Variants in CEP192 observed in about 807,000 individuals in gnomAD.
CEP192 encodes the protein centrosomal protein of 192 kDa.
A neutral mutation model predicts 271.8 loss-of-function variants in CEP192; 151 were observed. That is an observed-to-expected ratio of 0.56 (90% CI 0.49 to 0.64). The LOEUF is 0.64. Among genes scored for constraint, CEP192 ranks in the 30% least tolerant of loss-of-function variants. The pLI is 0.00. For missense variants in CEP192, 2,910 were observed against 3,020.5 expected, an observed-to-expected ratio of 0.96 and a Z score of 0.86; for synonymous variants, 995 against 1,076.5, an observed-to-expected ratio of 0.92 and a Z score of 1.48.
chr18:13,002,062 CATT>C (rs1234273154), intron 3 of CEP192, among the ~76,000 whole-genome samples: 1 of 152,058 alleles, frequency 6.6e-6, no homozygotes, highest in East Asian at 1.9e-4. Flanking sequence ...TCTTTCAAAA[CATT>C]TTTTTTTAGA....
intron 5 of CEP192, among the ~76,000 whole-genome samples, chr18:13,014,407 G>A (rs1437075446): frequency 6.7e-6 from 1 of 149,608 alleles, no homozygotes; most frequent in Non-Finnish European, 1.5e-5. Flanking sequence ...GTGGAGCTAT[G>A]CCACTTTATC....
At chr18:13,062,572 A>T (rs532002837) in intron 21 of CEP192, among the ~76,000 whole-genome samples, 2 of 147,828 alleles carry the variant, frequency 1.4e-5, no homozygotes, top group Admixed American at 6.7e-5. Flanking sequence ...AATTTTTTTT[A>T]ATTTAAAATT....
At chr18:13,030,082 G>A in intron 10 of CEP192, 80 bp downstream of exon 10, 1 of 1,112,378 alleles carries the variant, frequency 9.0e-7, no homozygotes, top group Non-Finnish European at 1.3e-6. Flanking sequence ...CATGTGAAAT[G>A]TGCCAGTCTT....
chr18:13,025,814 C>T (rs936020801), intron 9 of CEP192, among the ~76,000 whole-genome samples: 8 of 152,128 alleles, frequency 5.3e-5, no homozygotes, highest in African/African-American at 1.9e-4. Context: ...TATAGACACA[C>T]ACCCTCACCT....
chr18:13,015,807 G>A (rs902598508), intron 6 of CEP192, among the ~76,000 whole-genome samples: 25 of 151,008 alleles, frequency 1.7e-4, no homozygotes, highest in Non-Finnish European at 3.2e-4. Flanking sequence ...GTGCAGTGGT[G>A]TGATCTCGGC....
intron 30 of CEP192, among the ~76,000 whole-genome samples, chr18:13,085,397 T>A (rs2038850915): frequency 6.6e-6 from 1 of 152,204 alleles, no homozygotes; most frequent in Non-Finnish European, 1.5e-5. Flanking sequence ...CTCTTTAGTT[T>A]AATTAGATCC....
At chr18:12,994,133 T>A (rs1008753923) in intron 1 of CEP192, among the ~76,000 whole-genome samples, 1 of 152,226 alleles carries the variant, frequency 6.6e-6, no homozygotes, top group Non-Finnish European at 1.5e-5. Flanking sequence ...GATGGACAGA[T>A]AGGCAAGGCC....
chr18:13,052,102 C>T (rs1415900834), intron 17 of CEP192, among the ~76,000 whole-genome samples: 2 of 152,222 alleles, frequency 1.3e-5, no homozygotes, highest in Admixed American at 6.5e-5. Flanking sequence ...CCGTTTCCTG[C>T]TCCTTGCATC....
chr18:13,002,307 T>TA (rs199508596), intron 3 of CEP192, among the ~76,000 whole-genome samples: 1 of 138,640 alleles, frequency 7.2e-6, no homozygotes, highest in African/African-American at 2.9e-5. Context: ...AAAATAAGAT[T>TA]AAGCTCTTAT....
intron 13 of CEP192, 138 bp downstream of exon 13, chr18:13,038,717 G>A (rs1017625259): frequency 2.7e-5 from 18 of 677,838 alleles, no homozygotes; most frequent in Middle Eastern, 4.1e-4. Context: ...TTCATCATCA[G>A]TCAGACCTTT....
intron 15 of CEP192, among the ~76,000 whole-genome samples, chr18:13,047,331 T>A (rs2036539467): frequency 6.6e-6 from 1 of 151,930 alleles, no homozygotes; most frequent in Non-Finnish European, 1.5e-5. Flanking sequence ...ATGGATGTTT[T>A]ACTGTGGTAT....
chr18:13,114,299 G>A, intron 42 of CEP192, 48 bp downstream of exon 42: 1 of 1,584,300 alleles, frequency 6.3e-7, no homozygotes. Context: ...GTACTTTATT[G>A]AGGAATAGAG....
At chr18:13,019,353 A>G in intron 9 of CEP192, 147 bp downstream of exon 9, 2 of 584,158 alleles carry the variant, frequency 3.4e-6, no homozygotes, top group Non-Finnish European at 5.4e-6. Flanking sequence ...TAATTTTTCG[A>G]TATGTTTATA....
chr18:13,009,022 T>A (rs1313256753), intron 4 of CEP192, among the ~76,000 whole-genome samples: 1 of 150,882 alleles, frequency 6.6e-6, no homozygotes, highest in African/African-American at 2.4e-5. Flanking sequence ...TTGTTTTTTT[T>A]TTTTTTTTTG....
chr18:13,041,054 G>GTA, intron 14 of CEP192, 98 bp downstream of exon 14: 1 of 979,880 alleles, frequency 1.0e-6, no homozygotes. Flanking sequence ...GAGTGAAAAT[G>GTA]TATATAACAC....
At chr18:13,044,889 G>A (rs2036393294) in intron 15 of CEP192, among the ~76,000 whole-genome samples, 1 of 152,086 alleles carries the variant, frequency 6.6e-6, no homozygotes, top group South Asian at 2.1e-4. Flanking sequence ...AATCACCTGA[G>A]TCTGGTATAT....
At chr18:13,051,687 GTGCCCGCCACCA>G (rs1193094658) in intron 17 of CEP192, among the ~76,000 whole-genome samples, 1 of 152,078 alleles carries the variant, frequency 6.6e-6, no homozygotes, top group African/African-American at 2.4e-5. Flanking sequence ...GGGACTACAG[GTGCCCGCCACCA>G]TGCCCAACTA....
At chr18:13,084,646 T>C (rs1013199719) in intron 30 of CEP192, among the ~76,000 whole-genome samples, 1 of 152,090 alleles carries the variant, frequency 6.6e-6, no homozygotes, top group Non-Finnish European at 1.5e-5. Flanking sequence ...GTCCAACCAG[T>C]CCCAGTGAGA....
At chr18:13,037,570 A>G (rs2035982336) in intron 12 of CEP192, among the ~76,000 whole-genome samples, 3 of 151,932 alleles carry the variant, frequency 2.0e-5, no homozygotes, top group Admixed American at 2.0e-4. Flanking sequence ...GTTTATTTTT[A>G]TTTTTTGAGA....
Sources: allele counts gnomAD v4.1 joint callset (sites outside exome capture counted in the v4.1 genomes callset), GRCh38; gene constraint gnomAD v4.1.1; transcripts MANE v1.5; gene names NCBI Gene and HGNC (gene_info 2026-07-23, HGNC 2026-07-21).